Variants in IARS2 observed in about 807,000 individuals in gnomAD.
The protein encoded by IARS2 is isoleucyl-tRNA synthetase 2, mitochondrial, also known as isoleucine--tRNA ligase, mitochondrial.
Under a neutral mutation model 126.3 loss-of-function variants are expected in IARS2, and 56 were observed. The ratio of observed to expected loss-of-function variants is 0.44; its 90% CI spans 0.36 to 0.55. The LOEUF (loss-of-function observed/expected upper bound fraction) is 0.55, where lower values mean the gene tolerates loss of function less well. IARS2 is among the 20% of genes least tolerant of loss of function. IARS2 has a pLI of 0.00. For missense variants in IARS2, 1,127 were observed against 1,245.9 expected (o/e 0.90, Z 1.44); for synonymous variants, 407 against 441.1 (o/e 0.92, Z 0.97).
chr1:220,130,320 G>T (rs1045517163), intron 14 of IARS2, among the ~76,000 whole-genome samples: 1 of 152,122 alleles, frequency 6.6e-6, no homozygotes, highest in Non-Finnish European at 1.5e-5. Flanking sequence ...TCCACAGGTT[G>T]TCTCTTCACT....
Position 220,139,116 on chromosome 1 carries a change from T to G in IARS2, c.2284T>G (p.Leu762Val). ...MYVIDQYMLH[L>V]LQDLANKITE... ...TGTCATAGACCAGTACATGCTACAC[T>G]TACTGCAGGATTTGGCAAACAAGGT... is the stretch of plus-strand genomic sequence containing the variant. The change falls in exon 18 of 23, where the codon TTA (leucine) becomes GTA (valine). Residue 762 changes from leucine to valine, a missense_variant. Coordinates refer to ENST00000366922, the MANE Select transcript of IARS2 (RefSeq NM_018060.4). 6.2e-7 allele frequency: 1 copy of G among 1,607,612 alleles called. No homozygotes were observed. The highest frequency in any genetic ancestry group is 2.2e-5 in the East Asian group (1 of 44,730).
Position 220,102,604 on chromosome 1 carries a change from G to A in IARS2, c.859G>A (p.Asp287Asn). The change falls in exon 6 of 23, where the codon GAT becomes AAT. Residue 287 changes from aspartate to asparagine, a missense_variant and splice_region_variant. Transcript: ENST00000366922. Reference protein sequence around the residue: ...KPSPKLASLIDGSSPVSILVW... With the variant: ...KPSPKLASLINGSSPVSILVW... Reference sequence around the variant, plus strand: ...TTCTCCAAAATTGGCATCTCTTATAGGTAAGATTTATTCATAGCTTGAGTG... The same window carrying A: ...TTCTCCAAAATTGGCATCTCTTATAAGTAAGATTTATTCATAGCTTGAGTG... 1 of 1,603,502 alleles carries A rather than the reference G, an allele frequency of 6.2e-7. No homozygotes were observed. Among genetic ancestry groups the A allele is most frequent in the Non-Finnish European group, 8.5e-7 (1 of 1,170,514 alleles).
intron 1 of IARS2, 22 bp from the exon 2 acceptor site, chr1:220,096,082 A>AT: frequency 7.9e-7 from 1 of 1,263,540 alleles, no homozygotes; most frequent in Non-Finnish European, 1.1e-6. Context: ...ATGTTTAGAT[A>AT]TCTTTTTTTT....
intron 8 of IARS2, among the ~76,000 whole-genome samples, chr1:220,105,630 G>GT (rs1249421781): frequency 2.0e-5 from 3 of 152,126 alleles, no homozygotes; most frequent in African/African-American, 7.2e-5. Context: ...ATATTAAGTG[G>GT]TAGATGCAGT....
At chr1:220,130,376 A>G (rs1178712030) in intron 14 of IARS2, among the ~76,000 whole-genome samples, 1 of 151,754 alleles carries the variant, frequency 6.6e-6, no homozygotes, top group African/African-American at 2.4e-5. Context: ...ATATAGTTCC[A>G]TTTGTCTATT....
chr1:220,142,859 A>G (rs1295444160), intron 20 of IARS2, 85 bp from the exon 21 acceptor site: 2 of 864,804 alleles, frequency 2.3e-6, no homozygotes, highest in Non-Finnish European at 3.4e-6. Context: ...CTTATTTCCC[A>G]TTAATGGTAA....
intron 22 of IARS2, among the ~76,000 whole-genome samples, chr1:220,145,898 A>G (rs1657577221): frequency 1.3e-5 from 2 of 152,188 alleles, no homozygotes; most frequent in African/African-American, 4.8e-5. Context: ...CTGTCCTTTG[A>G]ATAAATAATG....
chr1:220,113,890 G>A (rs900756126), intron 11 of IARS2, among the ~76,000 whole-genome samples: 4 of 152,106 alleles, frequency 2.6e-5, no homozygotes, highest in African/African-American at 7.2e-5. Flanking sequence ...GGCAGTCTAC[G>A]ATAGTAATTT....
intron 8 of IARS2, among the ~76,000 whole-genome samples, chr1:220,104,067 G>A (rs1016146385): frequency 2.0e-5 from 3 of 152,242 alleles, no homozygotes; most frequent in East Asian, 1.9e-4. Context: ...TCAAACTCCC[G>A]GGCTCAAGCA....
At chr1:220,113,897 A>T (rs1476919962) in intron 11 of IARS2, among the ~76,000 whole-genome samples, 2 of 152,232 alleles carry the variant, frequency 1.3e-5, no homozygotes, top group Non-Finnish European at 2.9e-5. Flanking sequence ...TACGATAGTA[A>T]TTTATTTTTT....
intron 18 of IARS2, among the ~76,000 whole-genome samples, chr1:220,139,905 C>G (rs947964847): frequency 1.3e-5 from 2 of 152,144 alleles, no homozygotes; most frequent in South Asian, 2.1e-4. Context: ...CCACTGTTTG[C>G]TGTTGTTAAA....
chr1:220,143,313 A>G, intron 21 of IARS2, 179 bp downstream of exon 21: 2 of 402,242 alleles, frequency 5.0e-6, no homozygotes, highest in South Asian at 2.2e-4. Flanking sequence ...TCTTTTAATA[A>G]ATTAAGCAAA....
chr1:220,110,841 T>G lies in IARS2; in HGVS notation c.1383T>G (p.His461Gln). 3 of 1,613,334 alleles carry G rather than the reference T, an allele frequency of 1.9e-6. No homozygotes were observed. The highest frequency in any genetic ancestry group is 2.5e-6 in the Non-Finnish European group (3 of 1,179,332). The change falls in exon 11 of 23, where the codon CAT becomes CAG. Residue 461 changes from histidine (H) to glutamine (Q), a missense_variant. By Grantham distance (24) the His-to-Gln change is conservative (BLOSUM62 0). Coordinates refer to ENST00000366922, the MANE Select transcript of IARS2 (RefSeq NM_018060.4). ...TGTTGAAAGAGGAGAAATTGGTGCA[T>G]AGCTATCCGTATGACTGGAGGACCA... is the stretch of plus-strand genomic sequence containing the variant. Reference protein sequence around the residue: ...KNLLKEEKLVHSYPYDWRTKK... With the variant: ...KNLLKEEKLVQSYPYDWRTKK...
chr1:220,147,554 ATGCC>A lies in IARS2; in HGVS notation c.2959_2962del (p.Cys987ProfsTer37). On this transcript the variant is annotated frameshift_variant, in exon 23 of 23. Coordinates refer to ENST00000366922, the MANE Select transcript of IARS2 (RefSeq NM_018060.4). LOFTEE classifies it low-confidence loss of function (END_TRUNC). ...TTGTCATGCCGACTACGAAAGAAAAATGCCCCCGTTGTTGGAAGTATACAGCGGA... is the reference window on the plus strand; with the variant it reads ...TTGTCATGCCGACTACGAAAGAAAAACCCGTTGTTGGAAGTATACAGCGGA... The A allele has an allele frequency of 6.2e-7, 1 of 1,614,194 alleles. No homozygotes were observed. The highest frequency in any genetic ancestry group is 8.5e-7 in the Non-Finnish European group (1 of 1,180,016).
chr1:220,121,353 A>G (rs1353817353), intron 12 of IARS2, among the ~76,000 whole-genome samples: 1 of 151,546 alleles, frequency 6.6e-6, no homozygotes, highest in Non-Finnish European at 1.5e-5. Flanking sequence ...CATTTCTTAT[A>G]TTAAAATATG....
At chr1:220,109,441 G>A (rs1656753824) in intron 10 of IARS2, among the ~76,000 whole-genome samples, 1 of 151,810 alleles carries the variant, frequency 6.6e-6, no homozygotes, top group Non-Finnish European at 1.5e-5. Flanking sequence ...ACTGTAGAGG[G>A]CTGTCACAGT....
chr1:220,138,477 A>G (rs1263549198), intron 17 of IARS2, among the ~76,000 whole-genome samples: 1 of 152,136 alleles, frequency 6.6e-6, no homozygotes, highest in East Asian at 1.9e-4. Flanking sequence ...CTCAAAAAAA[A>G]CAAAAAACTC....
At chr1:220,106,158 G>A in intron 9 of IARS2, 98 bp downstream of exon 9, 1 of 1,049,366 alleles carries the variant, frequency 9.5e-7, no homozygotes, top group Non-Finnish European at 1.4e-6. Context: ...GATGACTTTT[G>A]TCATCATAAT....
At position 220,100,655 on chromosome 1, in the gene IARS2, T is replaced by A. The variant is rs374775700; in HGVS notation, c.550+6T>A. 94 of 1,592,632 alleles carry A rather than the reference T, an allele frequency of 5.9e-5. No homozygotes were observed. Among genetic ancestry groups the A allele is most frequent in the Non-Finnish European group, 8.1e-5 (94 of 1,163,138 alleles). On this transcript the variant is annotated splice_donor_region_variant and intron_variant, in intron 3 of 22. Transcript: ENST00000366922. ...TATGGAAATTAGAAAGAAAGGTAAA[T>A]AATCTGTATTTCTGTTTTAAAATGA...
Sources: gnomAD v4.1 joint callset for allele counts (sites outside exome capture counted in the v4.1 genomes callset) on GRCh38, gnomAD v4.1.1 for gene constraint, MANE v1.5 for transcripts, NCBI Gene and HGNC (gene_info 2026-07-23, HGNC 2026-07-21) for gene names.